The following ELMO1 variants were observed in gnomAD, a reference collection of about 807,000 sequenced individuals.
The protein encoded by ELMO1 is engulfment and cell motility protein 1.
ELMO1 carries 26 observed loss-of-function variants against 98.9 expected under a neutral mutation model. That is an observed-to-expected ratio of 0.26 (90% CI 0.19 to 0.36). ELMO1 has a LOEUF of 0.36. ELMO1 is among the 10% of genes least tolerant of loss of function. ELMO1 has a pLI of 1.00. For synonymous variants in ELMO1, 346 were observed against 346.0 expected, an observed-to-expected ratio of 1.00 and a Z score of 0.00; for missense variants, 627 against 935.2, an observed-to-expected ratio of 0.67 and a Z score of 4.30.
intron 17 of ELMO1, among the ~76,000 whole-genome samples, chr7:36,893,145 AAGTCTCC>A (rs1026346809): frequency 2.2e-4 from 33 of 152,234 alleles, no homozygotes; most frequent in African/African-American, 7.2e-4. Flanking sequence ...GTGATTCCTC[AAGTCTCC>A]CTTCAGGTTT....
At chr7:36,989,943 CAG>C (rs1791761947) in intron 16 of ELMO1, among the ~76,000 whole-genome samples, 1 of 152,082 alleles carries the variant, frequency 6.6e-6, no homozygotes, top group South Asian at 2.1e-4. Flanking sequence ...GCAAGGTAAA[CAG>C]ATAATTTTAT....
chr7:37,000,799 G>T, intron 16 of ELMO1, among the ~76,000 whole-genome samples: 1 of 152,048 alleles, frequency 6.6e-6, no homozygotes, highest in East Asian at 1.9e-4. Flanking sequence ...CACTGGCCTG[G>T]AAACAAGGCT....
In ELMO1 at chr7:36,923,541, T is replaced by A. The variant is rs558221026; in HGVS notation, c.1438-28524A>T. Reference sequence around the variant, plus strand: ...CTAGGCCTTCCCCAGAGGAAGAGGCTGGGTGAAGACTATAGAATTTTCTAG... The same window carrying A: ...CTAGGCCTTCCCCAGAGGAAGAGGCAGGGTGAAGACTATAGAATTTTCTAG... On this transcript the variant is annotated intron_variant, in intron 16 of 21. Coordinates refer to ENST00000310758, the MANE Select transcript of ELMO1 (RefSeq NM_014800.11). 2.0e-5 allele frequency among the ~76,000 whole-genome samples: 3 copies of A among 152,310 alleles called. No individual in the cohort carries two copies. The East Asian group carries it at 5.8e-4, about 29-fold the overall frequency.
At chr7:37,218,465 C>T (rs1213359666) in intron 10 of ELMO1, among the ~76,000 whole-genome samples, 1 of 151,774 alleles carries the variant, frequency 6.6e-6, no homozygotes, top group African/African-American at 2.4e-5. Context: ...TTATACTACC[C>T]TCCTAAGGAA....
chr7:37,083,044 G>A (rs552548948), intron 15 of ELMO1, among the ~76,000 whole-genome samples: 52 of 152,322 alleles, frequency 3.4e-4, no homozygotes, highest in Middle Eastern at 3.4e-3. Context: ...AGAGCTGGGG[G>A]CCACCTGGAC....
At chr7:37,231,815 G>C (rs1318004374) in intron 8 of ELMO1, among the ~76,000 whole-genome samples, 1 of 152,072 alleles carries the variant, frequency 6.6e-6, no homozygotes, top group Non-Finnish European at 1.5e-5. Context: ...AACTTTAGGG[G>C]AGGCTGGATG....
chr7:36,913,439 T>A (rs1481528272), intron 16 of ELMO1, among the ~76,000 whole-genome samples: 1 of 152,220 alleles, frequency 6.6e-6, no homozygotes, highest in Non-Finnish European at 1.5e-5. Flanking sequence ...AGAATGTTTA[T>A]ATTTCTGTGA....
chr7:37,443,255 T>G (rs1317575331), intron 1 of ELMO1, among the ~76,000 whole-genome samples: 1 of 152,224 alleles, frequency 6.6e-6, no homozygotes, highest in Non-Finnish European at 1.5e-5. Flanking sequence ...TCCAGTGTTT[T>G]CTACTGAGGA....
chr7:37,424,878 A>G (rs544861832), intron 1 of ELMO1, among the ~76,000 whole-genome samples: 2 of 151,358 alleles, frequency 1.3e-5, no homozygotes, highest in African/African-American at 4.8e-5. Context: ...TTTAATAATA[A>G]TAATAATAAT....
intron 13 of ELMO1, among the ~76,000 whole-genome samples, chr7:37,164,448 T>C (rs1242080965): frequency 2.0e-5 from 3 of 152,220 alleles, no homozygotes; most frequent in Non-Finnish European, 4.4e-5. Flanking sequence ...CTAGGTTTTC[T>C]TCTAGGGTTT....
chr7:37,055,521 A>G (rs1167510232), intron 15 of ELMO1, among the ~76,000 whole-genome samples: 1 of 152,186 alleles, frequency 6.6e-6, no homozygotes, highest in Non-Finnish European at 1.5e-5. Flanking sequence ...CTGCCCAAAT[A>G]TCCTCCCAAG....
At chr7:37,120,531 G>A (rs1244448434) in intron 14 of ELMO1, among the ~76,000 whole-genome samples, 1 of 152,228 alleles carries the variant, frequency 6.6e-6, no homozygotes, top group Admixed American at 6.5e-5. Flanking sequence ...CTTGTTGCTA[G>A]CATAGCAGTC....
At chr7:36,890,248 A>C (rs1805436286) in intron 17 of ELMO1, among the ~76,000 whole-genome samples, 1 of 152,126 alleles carries the variant, frequency 6.6e-6, no homozygotes, top group Non-Finnish European at 1.5e-5. Context: ...GTGTGTGAAG[A>C]GCAATTCAAA....
At chr7:36,881,291 A>G (rs1219206710) in intron 18 of ELMO1, among the ~76,000 whole-genome samples, 1 of 152,192 alleles carries the variant, frequency 6.6e-6, no homozygotes, top group African/African-American at 2.4e-5. Flanking sequence ...AGCCACTACA[A>G]GGATAGCATC....
chr7:36,861,517 TA>T, intron 21 of ELMO1, 141 bp downstream of exon 21: 1 of 882,258 alleles, frequency 1.1e-6, no homozygotes, highest in Non-Finnish European at 1.7e-6. Context: ...AAGAGGTTTC[TA>T]TTCTCCTCCA....
chr7:37,008,510 G>T (rs918640728), intron 16 of ELMO1, among the ~76,000 whole-genome samples: 2 of 151,722 alleles, frequency 1.3e-5, no homozygotes, highest in Non-Finnish European at 2.9e-5. Context: ...GCCAAAAAAT[G>T]TCTGTTTGTG....
chr7:37,438,260 C>T (rs17171046), intron 1 of ELMO1, among the ~76,000 whole-genome samples: 124,015 of 151,840 alleles, frequency 0.82, 51,408 homozygotes, highest in East Asian at 0.97. Context: ...TTTATGATTT[C>T]AGCAAGATAG....
intron 12 of ELMO1, 135 bp from the exon 13 acceptor site, chr7:37,211,652 G>T: frequency 8.2e-7 from 1 of 1,217,934 alleles, no homozygotes. Flanking sequence ...AGATAAAAGA[G>T]AACCAATGTT....
chr7:37,344,434 A>G (rs1237948020), intron 1 of ELMO1, among the ~76,000 whole-genome samples: 1 of 152,200 alleles, frequency 6.6e-6, no homozygotes, highest in African/African-American at 2.4e-5. Context: ...ATAGTAGTTC[A>G]TTGTGTGGAT....
Sources: gnomAD v4.1 joint callset for allele counts (sites outside exome capture counted in the v4.1 genomes callset) on GRCh38, gnomAD v4.1.1 for gene constraint, MANE v1.5 for transcripts, NCBI Gene and HGNC (gene_info 2026-07-23, HGNC 2026-07-21) for gene names.